The following REV1 variants were observed in gnomAD, a reference collection of about 807,000 sequenced individuals.
REV1 encodes the protein translesion synthesis protein REV1.
Under a neutral mutation model 137.4 loss-of-function variants are expected in REV1, and 42 were observed. The observed-to-expected ratio is 0.31, with a 90% confidence interval of 0.24 to 0.40. REV1 has a LOEUF of 0.40. Ranked by LOEUF, REV1 falls within the 10% of genes least tolerant of loss-of-function variation. REV1 has a pLI of 1.00. For missense variants in REV1, 1,282 were observed against 1,490.1 expected, an observed-to-expected ratio of 0.86 and a Z score of 2.30; for synonymous variants, 524 against 519.2, an observed-to-expected ratio of 1.01 and a Z score of -0.12.
At chr2:99,414,367 G>A (rs750606131) in intron 12 of REV1, among the ~76,000 whole-genome samples, 5 of 152,050 alleles carry the variant, frequency 3.3e-5, no homozygotes, top group African/African-American at 7.2e-5. Flanking sequence ...AGATGAAGGC[G>A]TTAAGCGTGC....
At chr2:99,485,496 T>C (rs1191210932) in intron 1 of REV1, among the ~76,000 whole-genome samples, 1 of 152,200 alleles carries the variant, frequency 6.6e-6, no homozygotes, top group South Asian at 2.1e-4. Context: ...AAGACTCATA[T>C]TTCAACTGGA....
intron 4 of REV1, among the ~76,000 whole-genome samples, chr2:99,446,198 C>T (rs1424924743): frequency 6.6e-6 from 1 of 152,148 alleles, no homozygotes; most frequent in East Asian, 1.9e-4. Flanking sequence ...AGGACACAAA[C>T]AGGATTCAGA....
At chr2:99,490,125 C>T (rs1687568009), upstream of REV1, 1 of 149,848 alleles carries the variant, frequency 6.7e-6, no homozygotes. Context: ...CGCACGCGCT[C>T]TGCTCCCCCC....
intron 14 of REV1, among the ~76,000 whole-genome samples, chr2:99,408,892 A>T (rs7601730): frequency 0.62 from 94,008 of 152,168 alleles, 29,849 homozygotes; most frequent in African/African-American, 0.75. Flanking sequence ...GTTCCAGGCC[A>T]TTAAACAAGA....
chr2:99,438,595 A>G lies in REV1; in HGVS notation c.1213+6T>C. On this transcript the variant is annotated splice_donor_region_variant and intron_variant, in intron 6 of 22. Coordinates refer to ENST00000258428, the MANE Select transcript of REV1 (RefSeq NM_016316.4). ...TCTTAAGAAGACAATTTTAATAAGTATCTACCTGTGTCAGTTACAACAAGT... is the reference window on the plus strand; with the variant it reads ...TCTTAAGAAGACAATTTTAATAAGTGTCTACCTGTGTCAGTTACAACAAGT... 6.3e-7 allele frequency: 1 copy of G among 1,599,434 alleles called. No homozygotes were observed. The highest frequency in any genetic ancestry group is 2.2e-5 in the East Asian group (1 of 44,822).
rs1328805139 is a variant in REV1 at position 99,400,901 on chromosome 2, C to T, written c.*340G>A. ...TTAGTATAATAAACAGTAGTTGCTTCCTAGAGTTGAGTTTTTAAGGATTCA... is the reference window on the plus strand; with the variant it reads ...TTAGTATAATAAACAGTAGTTGCTTTCTAGAGTTGAGTTTTTAAGGATTCA... On this transcript the variant is annotated 3_prime_UTR_variant, in exon 23 of 23. Transcript: ENST00000258428. The T allele has an allele frequency of 6.1e-6, 1 of 162,932 alleles. No homozygotes were observed. Among genetic ancestry groups the T allele is most frequent in the Admixed American group, 6.2e-5 (1 of 16,148 alleles). The allele number at this position is 162,932 out of a possible 1,614,324, so 10.1% of individuals were successfully genotyped here. A position where few individuals can be genotyped will look rare whatever the true frequency, so the allele number is the denominator to read the frequency against.
chr2:99,428,676 A>G (rs1679686502), intron 9 of REV1, among the ~76,000 whole-genome samples: 1 of 152,198 alleles, frequency 6.6e-6, no homozygotes, highest in African/African-American at 2.4e-5. Flanking sequence ...ATGCCTGAAT[A>G]GCCACAACTC....
chr2:99,445,587 G>A (rs988331745), intron 4 of REV1, among the ~76,000 whole-genome samples: 31 of 152,182 alleles, frequency 2.0e-4, no homozygotes, highest in African/African-American at 7.0e-4. Flanking sequence ...AGTGGGGTAC[G>A]TCATAGCAGC....
intron 1 of REV1, among the ~76,000 whole-genome samples, chr2:99,469,931 C>T (rs1218649903): frequency 6.6e-6 from 1 of 151,902 alleles, no homozygotes; most frequent in Non-Finnish European, 1.5e-5. Flanking sequence ...ACCATACTGG[C>T]TAAAACGGTG....
rs1190636908 is a variant in REV1, at chr2:99,402,912, C to T, written c.3361G>A (p.Gly1121Arg). ...KLIDGFLKHEGPPAEKPLEEL... is the reference protein window; with the variant it reads ...KLIDGFLKHERPPAEKPLEEL... ...ACCAGGGGTTTCTCTGCAGGAGGTC[C>T]TTCATGTTTTAGAAACCCATCAATT... The change falls in exon 20 of 23, where the codon GGA becomes AGA. Residue 1121 changes from glycine (G) to arginine (R), a missense_variant. This residue lies in a region of REV1 where 170 missense variants were observed against 156.8 expected (regional missense o/e 1.08). Coordinates refer to ENST00000258428, the MANE Select transcript of REV1 (RefSeq NM_016316.4). 1.9e-6 allele frequency: 3 copies of T among 1,613,870 alleles called. No individual in the cohort carries two copies. The highest frequency in any genetic ancestry group is 1.7e-5 in the Admixed American group (1 of 59,960).
In REV1 at chr2:99,404,197, AGT is replaced by A. The variant is rs1179772939; in HGVS notation, c.3045+245_3045+246del. Among the ~76,000 whole-genome samples the A allele has an allele frequency of 6.6e-5, 10 of 152,148 alleles. No homozygotes were observed. In the South Asian group the frequency reaches 1.0e-3, roughly 16 times the overall value. On this transcript the variant is annotated intron_variant, in intron 18 of 22. Transcript: ENST00000258428. ...GCCATTGATGTGTTTGCCCCAGATC[AGT>A]GTGTTTCTGTCTTAGCATGCCCTCC...
intron 10 of REV1, 81 bp downstream of exon 10, chr2:99,424,071 C>T (rs1411886849): frequency 3.9e-5 from 55 of 1,416,798 alleles, no homozygotes; most frequent in Non-Finnish European, 5.1e-5. Flanking sequence ...CCTGACAATC[C>T]TAAAGAAAAC....
intron 6 of REV1, 164 bp downstream of exon 6, chr2:99,438,437 A>G: frequency 1.7e-6 from 1 of 581,988 alleles, no homozygotes; most frequent in South Asian, 2.4e-5. Context: ...AAAATATTTT[A>G]ATAAATTAGC....
intron 6 of REV1, among the ~76,000 whole-genome samples, chr2:99,437,852 T>C (rs936954051): frequency 6.6e-6 from 1 of 152,068 alleles, no homozygotes; most frequent in African/African-American, 2.4e-5. Context: ...TCAAACTCAG[T>C]AAAACATAAC....
chr2:99,466,049 C>CTCCT (rs779810297), intron 1 of REV1, among the ~76,000 whole-genome samples: 16 of 152,056 alleles, frequency 1.1e-4, no homozygotes, highest in Non-Finnish European at 1.8e-4. Flanking sequence ...TCACACCATT[C>CTCCT]TCCTGCCTCA....
chr2:99,402,962 C>G lies in REV1; in HGVS notation c.3311G>C (p.Gly1104Ala), dbSNP rs749943386. The stretch of plus-strand genomic sequence containing the variant: ...TAACTTCTGGGGACTGCCACAGGCC[C>G]CTGGCAGAGTTTTTGCAGGACTGTT... ...LLNSPAKTLP[G>A]ACGSPQKLID... is the part of the protein sequence containing the mutation. Residue 1104 changes from glycine (G) to alanine (A), a missense_variant, in exon 20 of 23, where the codon GGG becomes GCG. This residue lies in a region of REV1 where 170 missense variants were observed against 156.8 expected (regional missense o/e 1.08). Transcript: ENST00000258428. 105 of 1,614,074 alleles carry G rather than the reference C, an allele frequency of 6.5e-5. No individual in the cohort carries two copies. The highest frequency in any genetic ancestry group is 8.1e-5 in the Non-Finnish European group (95 of 1,180,040).
rs565059304 is a variant in REV1, at chr2:99,483,515, CA to C, written c.-11+6301del. Among the ~76,000 whole-genome samples, 75 of 152,306 alleles carry C rather than the reference CA, an allele frequency of 4.9e-4. 4 individuals are homozygous for C. In the South Asian group the frequency reaches 0.014, roughly 29 times the overall value. On this transcript the variant is annotated intron_variant, in intron 1 of 22. Transcript: ENST00000258428. ...ACTACCTAATATTTTAATTCAAGCACAAAGCCATGGGACCCGACTAGTCTTT... is the reference window on the plus strand; with the variant it reads ...ACTACCTAATATTTTAATTCAAGCACAAGCCATGGGACCCGACTAGTCTTT...
chr2:99,409,315 C>T (rs1345143878), intron 14 of REV1, among the ~76,000 whole-genome samples: 3 of 152,128 alleles, frequency 2.0e-5, no homozygotes, highest in African/African-American at 4.8e-5. Context: ...AGTCGTCTCA[C>T]GACTTAGCAA....
chr2:99,453,851 C>T (rs1403245522), intron 3 of REV1, among the ~76,000 whole-genome samples: 1 of 144,278 alleles, frequency 6.9e-6, no homozygotes, highest in Non-Finnish European at 1.5e-5. Context: ...CAAGATCACG[C>T]CACTGCACTC....
Sources: allele counts gnomAD v4.1 joint callset (sites outside exome capture counted in the v4.1 genomes callset), GRCh38; gene constraint gnomAD v4.1.1; regional missense constraint gnomAD v4.1.1; transcripts MANE v1.5; gene names NCBI Gene and HGNC (gene_info 2026-07-23, HGNC 2026-07-21).